The following TENM2 variants were observed in gnomAD, a reference collection of about 807,000 sequenced individuals.
TENM2 encodes the protein teneurin transmembrane protein 2.
A neutral mutation model predicts 245.2 loss-of-function variants in TENM2; 52 were observed. The ratio of observed to expected loss-of-function variants is 0.21; its 90% CI spans 0.17 to 0.27. The LOEUF is 0.27. TENM2 is among the 10% of genes least tolerant of loss of function. The pLI, the probability that TENM2 is intolerant of heterozygous loss-of-function variation, is 1.00. For synonymous variants in TENM2, 1,363 were observed against 1,438.9 expected (o/e 0.95, Z 1.19); for missense variants, 3,046 against 3,666.8 (o/e 0.83, Z 4.37).
chr5:167,816,751 G>C (rs766296261), intron 2 of TENM2, among the ~76,000 whole-genome samples: 1 of 152,166 alleles, frequency 6.6e-6, no homozygotes, highest in Non-Finnish European at 1.5e-5. Context: ...AGAAAGACCT[G>C]TGTTTTATAA....
chr5:167,779,025 C>T (rs1402240535), intron 2 of TENM2, among the ~76,000 whole-genome samples: 2 of 152,138 alleles, frequency 1.3e-5, no homozygotes, highest in Admixed American at 6.5e-5. Flanking sequence ...TCTTTAGAGT[C>T]CTTTATTGTG....
chr5:167,538,178 A>G (rs555654772), intron 2 of TENM2, among the ~76,000 whole-genome samples: 1 of 152,222 alleles, frequency 6.6e-6, no homozygotes, highest in Admixed American at 6.5e-5. Context: ...ATCTGATGAT[A>G]CTTGAAGACA....
At chr5:168,025,492 G>A (rs1786533294) in intron 5 of TENM2, among the ~76,000 whole-genome samples, 1 of 152,174 alleles carries the variant, frequency 6.6e-6, no homozygotes, top group African/African-American at 2.4e-5. Flanking sequence ...TAAATGATGT[G>A]ATAGCAAGAA....
chr5:167,423,310 G>A (rs1374402441), intron 2 of TENM2, among the ~76,000 whole-genome samples: 5 of 152,046 alleles, frequency 3.3e-5, no homozygotes, highest in African/African-American at 4.8e-5. Context: ...GCTTTGCCAC[G>A]CCATGTTTGA....
chr5:167,381,178 A>G (rs1761078910), intron 2 of TENM2, among the ~76,000 whole-genome samples: 1 of 152,180 alleles, frequency 6.6e-6, no homozygotes, highest in African/African-American at 2.4e-5. Context: ...TCAGGTATTA[A>G]TAATAGATTT....
chr5:168,066,727 C>G (rs1790538369), intron 7 of TENM2, among the ~76,000 whole-genome samples: 1 of 152,110 alleles, frequency 6.6e-6, no homozygotes, highest in Non-Finnish European at 1.5e-5. Context: ...TCATTCTTAG[C>G]CTACTAACTC....
Position 168,090,232 on chromosome 5 carries a change from A to ACG in TENM2, c.1516-341_1516-340insGC, listed in dbSNP as rs1792814554. 2.0e-5 allele frequency among the ~76,000 whole-genome samples: 3 copies of ACG among 147,426 alleles called. No homozygotes were observed. The South Asian group carries it at 6.4e-4, about 31-fold the overall frequency. On this transcript the variant is annotated intron_variant, in intron 7 of 28. Coordinates refer to ENST00000518659, the Ensembl canonical transcript of TENM2. ...CACTCCCCCCACCACACACACACAC[A>ACG]CACACACACACACACACACACACAC...
chr5:167,499,966 G>T lies in TENM2; in HGVS notation c.502+124493G>T, dbSNP rs551386347. Among the ~76,000 whole-genome samples the T allele has an allele frequency of 8.2e-4, 117 of 142,000 alleles. 1 individual carries two copies. The highest frequency in any genetic ancestry group is 3.0e-3 in the African/African-American group (114 of 37,682). 93.2% of individuals were successfully genotyped at this position (142,000 alleles called of 152,430 possible). A position where few individuals can be genotyped will look rare whatever the true frequency, so the allele number is the denominator to read the frequency against. On this transcript the variant is annotated intron_variant, in intron 2 of 28. Transcript: ENST00000518659. ...GGTGTGTGTGTGTATGTACGTGTAT[G>T]TGAGGGTGTGTGTGTGTATGTGTAT...
chr5:167,588,086 A>G (rs1286462030), intron 2 of TENM2, among the ~76,000 whole-genome samples: 2 of 152,230 alleles, frequency 1.3e-5, no homozygotes, highest in African/African-American at 4.8e-5. Flanking sequence ...AGTGAGTGAT[A>G]TTCCCAGGGC....
At chr5:167,233,839 A>G in the TENM2 span, among the ~76,000 whole-genome samples, 31,580 of 151,940 alleles carry the variant, frequency 0.21, 3,852 homozygotes, top group African/African-American at 0.34. Flanking sequence ...CAATGTATGT[A>G]TGACAGGCTC....
At chr5:167,096,653 T>C in the TENM2 span, among the ~76,000 whole-genome samples, 1 of 152,246 alleles carries the variant, frequency 6.6e-6, no homozygotes, top group East Asian at 1.9e-4. Context: ...GACTGGTCTG[T>C]GTTCTCTGAA....
At chr5:167,375,204 A>G in exon 2 of TENM2, 3 of 1,551,568 alleles carry the variant, frequency 1.9e-6, no homozygotes, top group East Asian at 2.4e-5. Context: ...CTAGGAACCA[A>G]CTTCACCCTT....
At chr5:167,682,682 G>T (rs1016321792) in intron 2 of TENM2, among the ~76,000 whole-genome samples, 9 of 152,040 alleles carry the variant, frequency 5.9e-5, no homozygotes, top group African/African-American at 1.7e-4. Flanking sequence ...CAGAGCTCAG[G>T]CTGTAATGCT....
intron 2 of TENM2, among the ~76,000 whole-genome samples, chr5:167,755,777 A>G (rs1762272791): frequency 6.6e-6 from 1 of 152,104 alleles, no homozygotes; most frequent in Non-Finnish European, 1.5e-5. Context: ...TGCTGCTTGT[A>G]TGTGATATTT....
chr5:167,643,742 C>G (rs992221437), intron 2 of TENM2, among the ~76,000 whole-genome samples: 3 of 152,102 alleles, frequency 2.0e-5, no homozygotes, highest in Non-Finnish European at 2.9e-5. Context: ...ATAGATTATT[C>G]GAACCCTAAA....
chr5:168,064,060 C>T (rs1370198203), intron 7 of TENM2, among the ~76,000 whole-genome samples: 2 of 152,030 alleles, frequency 1.3e-5, no homozygotes, highest in Non-Finnish European at 2.9e-5. Flanking sequence ...AAGCAGAACT[C>T]TTGATAACAG....
chr5:167,558,044 T>C (rs1381631452), intron 2 of TENM2, among the ~76,000 whole-genome samples: 3 of 152,188 alleles, frequency 2.0e-5, no homozygotes, highest in African/African-American at 7.2e-5. Flanking sequence ...GCATAGAAGA[T>C]CTTCTAAAAG....
chr5:168,046,106 C>T (rs1412987506), intron 5 of TENM2, among the ~76,000 whole-genome samples: 1 of 152,178 alleles, frequency 6.6e-6, no homozygotes, highest in Non-Finnish European at 1.5e-5. Context: ...ACCTTGCCAC[C>T]TTCATCTGTG....
the TENM2 span, among the ~76,000 whole-genome samples, chr5:167,226,137 T>C: frequency 6.6e-6 from 1 of 151,990 alleles, no homozygotes; most frequent in African/African-American, 2.4e-5. Context: ...TATTGATTTT[T>C]AGTCTCTATT....
Sources: gnomAD v4.1 joint callset for allele counts (sites outside exome capture counted in the v4.1 genomes callset) on GRCh38, gnomAD v4.1.1 for gene constraint, MANE v1.5 for transcripts, NCBI Gene and HGNC (gene_info 2026-07-23, HGNC 2026-07-21) for gene names.